GLCCI1: variants seen among roughly 807,000 people sequenced by gnomAD.
The protein encoded by GLCCI1 is glucocorticoid-induced transcript 1 protein.
A neutral mutation model predicts 52.2 loss-of-function variants in GLCCI1; 24 were observed. The observed-to-expected ratio is 0.46, with a 90% CI of 0.33 to 0.65. GLCCI1 has a LOEUF of 0.65. GLCCI1 is among the 30% of genes least tolerant of loss of function. The probability of loss-of-function intolerance (pLI) is 0.02; values close to 1 mark genes in which losing one functional copy is unlikely to be tolerated. For missense variants in GLCCI1, 704 were observed against 701.5 expected (o/e 1.00, Z -0.04); for synonymous variants, 310 against 276.5 (o/e 1.12, Z -1.20).
intron 6 of GLCCI1, among the ~76,000 whole-genome samples, chr7:8,079,981 C>G (rs1355323550): frequency 2.0e-5 from 3 of 151,524 alleles, no homozygotes. Flanking sequence ...AAGGTGTTAA[C>G]TTTGAATTTT....
In GLCCI1 at chr7:8,035,041, C is replaced by T. The variant is rs144439951; in HGVS notation, c.696+12472C>T. ...GAGTCCTGCCCAAGGAACCTCAGGTCCTGCCCTTGTGTCTCGACATCACTG... is the reference window on the plus strand; with the variant it reads ...GAGTCCTGCCCAAGGAACCTCAGGTTCTGCCCTTGTGTCTCGACATCACTG... On this transcript the variant is annotated intron_variant, in intron 3 of 7. Transcript: ENST00000223145. 2.0e-5 allele frequency among the ~76,000 whole-genome samples: 3 copies of T among 152,284 alleles called. No individual in the cohort carries two copies. In the East Asian group the frequency reaches 5.8e-4, roughly 29 times the overall value.
At chr7:8,026,496 T>G (rs1781623547) in intron 3 of GLCCI1, among the ~76,000 whole-genome samples, 1 of 152,206 alleles carries the variant, frequency 6.6e-6, no homozygotes, top group Non-Finnish European at 1.5e-5. Context: ...GTACCGAGTT[T>G]TAAGTTCATA....
chr7:8,056,198 T>A (rs1782394092), intron 4 of GLCCI1, among the ~76,000 whole-genome samples: 1 of 151,918 alleles, frequency 6.6e-6, no homozygotes, highest in Non-Finnish European at 1.5e-5. Context: ...ATTCGGAGAC[T>A]GAGGCAGGAG....
chr7:7,983,036 A>G (rs913984979), intron 1 of GLCCI1, among the ~76,000 whole-genome samples: 2 of 152,184 alleles, frequency 1.3e-5, no homozygotes, highest in Non-Finnish European at 2.9e-5. Flanking sequence ...TGTACTTTGT[A>G]TTAAACATGT....
intron 3 of GLCCI1, among the ~76,000 whole-genome samples, chr7:8,036,773 A>G (rs1219616116): frequency 6.6e-6 from 1 of 152,198 alleles, no homozygotes; most frequent in African/African-American, 2.4e-5. Flanking sequence ...TGAAAGTTTT[A>G]ACAAGTAGAC....
intron 3 of GLCCI1, among the ~76,000 whole-genome samples, chr7:8,044,929 C>T (rs189422574): frequency 1.3e-3 from 199 of 152,156 alleles, no homozygotes; most frequent in South Asian, 4.4e-3. Flanking sequence ...ACAGTAAGTC[C>T]TCACTTAATG....
intron 6 of GLCCI1, among the ~76,000 whole-genome samples, chr7:8,073,882 T>G (rs920981630): frequency 6.6e-6 from 1 of 152,190 alleles, no homozygotes; most frequent in Non-Finnish European, 1.5e-5. Context: ...GTGATTAAGA[T>G]CAAGTTGATG....
intron 7 of GLCCI1, 76 bp downstream of exon 7, chr7:8,085,093 G>C: frequency 6.7e-7 from 1 of 1,501,986 alleles, no homozygotes; most frequent in African/African-American, 1.4e-5. Context: ...GATTACATAT[G>C]AATCAACTAC....
intron 4 of GLCCI1, among the ~76,000 whole-genome samples, chr7:8,058,217 G>A (rs1183235750): frequency 6.7e-6 from 1 of 148,316 alleles, no homozygotes; most frequent in African/African-American, 2.4e-5. Context: ...AAACTTAAAA[G>A]AAATATGTAA....
intron 3 of GLCCI1, among the ~76,000 whole-genome samples, chr7:8,026,095 G>A (rs2127949997): frequency 6.6e-6 from 1 of 152,200 alleles, no homozygotes; most frequent in Admixed American, 6.5e-5. Context: ...TTTATAGCAG[G>A]TACATGAAAT....
intron 1 of GLCCI1, among the ~76,000 whole-genome samples, chr7:7,971,585 C>G (rs748901324): frequency 2.0e-5 from 3 of 152,050 alleles, no homozygotes; most frequent in Non-Finnish European, 4.4e-5. Flanking sequence ...AACATAATGG[C>G]CATCTAGTAC....
At chr7:8,061,239 A>G (rs986141532) in intron 5 of GLCCI1, among the ~76,000 whole-genome samples, 4 of 151,656 alleles carry the variant, frequency 2.6e-5, no homozygotes, top group African/African-American at 9.7e-5. Flanking sequence ...AGCTGGGACT[A>G]CAGGTGCCCG....
At chr7:8,033,450 A>T (rs1781800951) in intron 3 of GLCCI1, among the ~76,000 whole-genome samples, 1 of 152,112 alleles carries the variant, frequency 6.6e-6, no homozygotes, top group Admixed American at 6.6e-5. Flanking sequence ...ATTGTAAAGG[A>T]AGCAGTGCAA....
intron 1 of GLCCI1, among the ~76,000 whole-genome samples, chr7:7,996,562 A>G (rs1780942001): frequency 6.6e-6 from 1 of 152,202 alleles, no homozygotes; most frequent in Admixed American, 6.5e-5. Flanking sequence ...TTTCTTTGAA[A>G]ATAGACTGAA....
Position 7,969,793 on chromosome 7 carries a change from C to G in GLCCI1, c.443C>G (p.Ser148Trp). 2 of 1,482,674 alleles carry G rather than the reference C, an allele frequency of 1.3e-6. No individual in the cohort carries two copies. Among genetic ancestry groups the G allele is most frequent in the East Asian group, 2.9e-5 (1 of 34,228 alleles). The allele number at this position is 1,482,674 out of a possible 1,614,324, so 91.8% of individuals were successfully genotyped here. ...SSSPERRSPGSPVCRADKAKS... is the reference protein window; with the variant it reads ...SSSPERRSPGWPVCRADKAKS... ...TCACCTGAGAGACGGAGCCCCGGCT[C>G]GCCCGTGTGCAGAGGTAGCGAGCCC... Residue 148 changes from serine to tryptophan, a missense_variant, in exon 1 of 8, where the codon TCG (serine) becomes TGG (tryptophan). Transcript: ENST00000223145. The surrounding 1 kb of genome is among the most constrained non-coding windows in gnomAD (Gnocchi z 4.9).
chr7:8,045,359 C>T (rs1199693423), intron 3 of GLCCI1, among the ~76,000 whole-genome samples: 1 of 152,068 alleles, frequency 6.6e-6, no homozygotes, highest in East Asian at 1.9e-4. Context: ...AACCAGAGTA[C>T]CCAGAAAAAA....
intron 3 of GLCCI1, among the ~76,000 whole-genome samples, chr7:8,043,002 C>G (rs1205237916): frequency 6.6e-6 from 1 of 152,180 alleles, no homozygotes; most frequent in Non-Finnish European, 1.5e-5. Flanking sequence ...CTGCCTCTGC[C>G]TTCAGCAACC....
intron 3 of GLCCI1, among the ~76,000 whole-genome samples, chr7:8,044,620 C>T (rs1583996530): frequency 1.3e-5 from 2 of 152,306 alleles, no homozygotes; most frequent in East Asian, 3.9e-4. Flanking sequence ...ATCATCCAGC[C>T]TCTGCCTCTC....
intron 3 of GLCCI1, among the ~76,000 whole-genome samples, chr7:8,047,069 C>T (rs1782147095): frequency 2.6e-5 from 4 of 152,130 alleles, no homozygotes; most frequent in Middle Eastern, 6.8e-3. Context: ...TACACACGTA[C>T]ACACACATTC....
Sources: allele counts gnomAD v4.1 joint callset (sites outside exome capture counted in the v4.1 genomes callset), GRCh38; gene constraint gnomAD v4.1.1; non-coding constraint Gnocchi (gnomAD v3.1); transcripts MANE v1.5; gene names NCBI Gene and HGNC (gene_info 2026-07-23, HGNC 2026-07-21).